The following SETBP1 variants were observed in gnomAD, a reference collection of about 807,000 sequenced individuals.
SETBP1 encodes SET-binding protein.
SETBP1 carries 9 observed loss-of-function variants against 101.0 expected under a neutral mutation model. The ratio of observed to expected loss-of-function variants is 0.09; its 90% CI spans 0.05 to 0.16. The LOEUF (loss-of-function observed/expected upper bound fraction) is 0.16. Among genes scored for constraint, SETBP1 ranks in the 10% least tolerant of loss-of-function variants. The pLI is 1.00. For missense variants in SETBP1, 1,858 were observed against 2,033.8 expected (o/e 0.91, Z 1.66); for synonymous variants, 818 against 788.5 (o/e 1.04, Z -0.63).
intron 3 of SETBP1, among the ~76,000 whole-genome samples, chr18:44,892,465 C>T (rs538359305): frequency 6.6e-6 from 1 of 152,080 alleles, no homozygotes; most frequent in African/African-American, 2.4e-5. Context: ...TTTTAAAGCC[C>T]ATTTACCTGT....
chr18:44,702,637 TC>T (rs891616449), intron 2 of SETBP1, among the ~76,000 whole-genome samples: 8 of 152,294 alleles, frequency 5.3e-5, no homozygotes, highest in African/African-American at 1.9e-4. Flanking sequence ...TTTGAGTTAA[TC>T]AGAACAGTCA....
At chr18:44,877,707 A>T (rs2069440563) in intron 3 of SETBP1, among the ~76,000 whole-genome samples, 1 of 152,128 alleles carries the variant, frequency 6.6e-6, no homozygotes, top group African/African-American at 2.4e-5. Flanking sequence ...TGAAATCAAC[A>T]GTTTCCTCCC....
At chr18:44,879,596 AAAAC>A (rs1161019414) in intron 3 of SETBP1, among the ~76,000 whole-genome samples, 1 of 152,178 alleles carries the variant, frequency 6.6e-6, no homozygotes, top group East Asian at 1.9e-4. Context: ...TCCAACAGAA[AAAAC>A]AAACAAACAA....
chr18:44,762,765 A>G (rs1213460041), intron 2 of SETBP1, among the ~76,000 whole-genome samples: 2 of 152,240 alleles, frequency 1.3e-5, no homozygotes, highest in Non-Finnish European at 2.9e-5. Context: ...ATTGGCAGAA[A>G]AAGGAACAGC....
At chr18:44,780,079 C>G (rs576752858) in intron 2 of SETBP1, among the ~76,000 whole-genome samples, 4 of 152,254 alleles carry the variant, frequency 2.6e-5, no homozygotes, top group Non-Finnish European at 5.9e-5. Flanking sequence ...CTTGCCTGCT[C>G]CCAGCACGAC....
rs1438973792 is a variant in SETBP1 at position 44,776,688 on chromosome 18, T to A, written c.486+74856T>A. On this transcript the variant is annotated intron_variant, in intron 2 of 5. Transcript: ENST00000649279. ...TTTTAATCTTTTAGCCACAAAAAAATAGTAAAGAAATATAAAACACCTTAA... is the reference window on the plus strand; with the variant it reads ...TTTTAATCTTTTAGCCACAAAAAAAAAGTAAAGAAATATAAAACACCTTAA... 2.0e-5 allele frequency among the ~76,000 whole-genome samples: 3 copies of A among 152,256 alleles called. No individual in the cohort carries two copies. The South Asian group carries it at 6.2e-4, about 32-fold the overall frequency.
intron 4 of SETBP1, among the ~76,000 whole-genome samples, chr18:44,976,138 A>G (rs2071982962): frequency 1.3e-5 from 2 of 151,972 alleles, no homozygotes; most frequent in South Asian, 2.1e-4. Flanking sequence ...CTATGCACAT[A>G]GACACCAGAG....
intron 4 of SETBP1, among the ~76,000 whole-genome samples, chr18:44,975,641 G>A (rs1480881503): frequency 3.9e-5 from 6 of 152,066 alleles, no homozygotes; most frequent in Non-Finnish European, 7.4e-5. Flanking sequence ...TTAAATACTC[G>A]AATAAGCAAA....
intron 2 of SETBP1, among the ~76,000 whole-genome samples, chr18:44,716,742 T>C (rs1478693937): frequency 2.0e-5 from 3 of 152,158 alleles, no homozygotes; most frequent in Admixed American, 6.5e-5. Flanking sequence ...TTTGTATTTT[T>C]AGTAGAGAAG....
intron 2 of SETBP1, among the ~76,000 whole-genome samples, chr18:44,755,233 G>A (rs1198778564): frequency 6.6e-6 from 1 of 152,354 alleles, no homozygotes; most frequent in South Asian, 2.1e-4. Flanking sequence ...AGATGCTTGT[G>A]TGATGGTTAA....
intron 3 of SETBP1, among the ~76,000 whole-genome samples, chr18:44,893,262 C>T (rs1427068676): frequency 1.3e-5 from 2 of 152,124 alleles, no homozygotes; most frequent in Non-Finnish European, 2.9e-5. Flanking sequence ...ATTTACTGGC[C>T]ACTGACTAAA....
At chr18:44,786,514 A>G (rs77436143) in intron 2 of SETBP1, among the ~76,000 whole-genome samples, 1,599 of 152,286 alleles carry the variant, frequency 0.011, 19 homozygotes, top group African/African-American at 0.036. Context: ...AGATGCAGAT[A>G]TGTTATATGG....
intron 3 of SETBP1, 41 bp downstream of exon 3, chr18:44,869,324 A>G (rs1232109236): frequency 1.3e-6 from 2 of 1,588,238 alleles, no homozygotes; most frequent in Admixed American, 1.7e-5. Context: ...GGAAGAGTAA[A>G]ATGATCCAGA....
intron 3 of SETBP1, among the ~76,000 whole-genome samples, chr18:44,902,468 G>A (rs1039676470): frequency 2.0e-5 from 3 of 150,020 alleles, no homozygotes; most frequent in Admixed American, 1.3e-4. Context: ...CAAGAGAGAG[G>A]TGGAGCCAGG....
intron 2 of SETBP1, among the ~76,000 whole-genome samples, chr18:44,840,066 G>C (rs1364153677): frequency 1.3e-5 from 2 of 152,176 alleles, no homozygotes; most frequent in South Asian, 2.1e-4. Context: ...AGAGGCCTGT[G>C]CATGGTCGAA....
intron 5 of SETBP1, among the ~76,000 whole-genome samples, chr18:45,049,260 A>G (rs1029299600): frequency 2.6e-5 from 4 of 152,200 alleles, no homozygotes; most frequent in Non-Finnish European, 5.9e-5. Context: ...GACAGAAGCT[A>G]GGAGATAGGA....
At chr18:44,703,809 C>T (rs1223968559) in intron 2 of SETBP1, among the ~76,000 whole-genome samples, 1 of 152,190 alleles carries the variant, frequency 6.6e-6, no homozygotes, top group Non-Finnish European at 1.5e-5. Context: ...ACAGAAACTT[C>T]TGAGATTCAT....
At chr18:44,733,951 C>T (rs2615002) in intron 2 of SETBP1, among the ~76,000 whole-genome samples, 9 of 152,284 alleles carry the variant, frequency 5.9e-5, no homozygotes, top group Non-Finnish European at 1.0e-4. Flanking sequence ...GCATTCATCA[C>T]AGGATCTGCC....
At chr18:45,052,753 T>C (rs2073742706) in intron 5 of SETBP1, among the ~76,000 whole-genome samples, 1 of 152,172 alleles carries the variant, frequency 6.6e-6, no homozygotes, top group Admixed American at 6.5e-5. Flanking sequence ...TTTTGTAAAT[T>C]GACATCTTTT....
Sources: gnomAD v4.1 joint callset for allele counts (sites outside exome capture counted in the v4.1 genomes callset) on GRCh38, gnomAD v4.1.1 for gene constraint, MANE v1.5 for transcripts, NCBI Gene and HGNC (gene_info 2026-07-23, HGNC 2026-07-21) for gene names.